Variants in UNC13C observed in about 807,000 individuals in gnomAD.
UNC13C encodes unc-13 homolog C.
Under a neutral mutation model 245.4 loss-of-function variants are expected in UNC13C, and 174 were observed. The ratio of observed to expected loss-of-function variants is 0.71; its 90% CI spans 0.63 to 0.80. The LOEUF (loss-of-function observed/expected upper bound fraction) is 0.80. UNC13C is among the 30% of genes least tolerant of loss of function. The probability of loss-of-function intolerance (pLI) is 0.00; values close to 1 mark genes in which losing one functional copy is unlikely to be tolerated. For missense variants in UNC13C, 2,829 were observed against 2,602.9 expected (o/e 1.09, Z -1.89); for synonymous variants, 992 against 895.1 (o/e 1.11, Z -1.93).
At chr15:54,614,593 TTTTTA>T (rs1251703991) in intron 30 of UNC13C, among the ~76,000 whole-genome samples, 2 of 152,048 alleles carry the variant, frequency 1.3e-5, no homozygotes, top group East Asian at 3.9e-4. Context: ...TGAAAATTAC[TTTTTA>T]TTTACACATG....
intron 2 of UNC13C, among the ~76,000 whole-genome samples, chr15:54,041,896 T>C (rs1896819811): frequency 6.6e-6 from 1 of 152,172 alleles, no homozygotes; most frequent in Non-Finnish European, 1.5e-5. Flanking sequence ...GTTGGGGGTA[T>C]AGTGCCGTCA....
the UNC13C span, among the ~76,000 whole-genome samples, chr15:53,849,584 T>C: frequency 2.0e-5 from 3 of 152,302 alleles, no homozygotes; most frequent in East Asian, 1.9e-4. Context: ...TGAGCACTTA[T>C]ATATTTTTTC....
intron 6 of UNC13C, 60 bp downstream of exon 6, chr15:54,236,495 C>A: frequency 1.5e-6 from 2 of 1,336,530 alleles, no homozygotes; most frequent in Non-Finnish European, 2.1e-6. Flanking sequence ...ATACACTGCA[C>A]TTACTCATGG....
chr15:54,191,919 G>T (rs1175304424), intron 4 of UNC13C, among the ~76,000 whole-genome samples: 3 of 151,886 alleles, frequency 2.0e-5, no homozygotes, highest in African/African-American at 7.3e-5. Context: ...TTGTAAATTT[G>T]TTTAAGCTCC....
chr15:53,854,697 G>A, the UNC13C span, among the ~76,000 whole-genome samples: 1 of 152,288 alleles, frequency 6.6e-6, no homozygotes, highest in Non-Finnish European at 1.5e-5. Flanking sequence ...GGTTACTGTA[G>A]CCTTGTGATA....
intron 2 of UNC13C, among the ~76,000 whole-genome samples, chr15:54,103,579 T>A (rs1483745736): frequency 6.6e-6 from 1 of 152,186 alleles, no homozygotes; most frequent in Non-Finnish European, 1.5e-5. Flanking sequence ...TACTAAATTG[T>A]CTTAGCTGAC....
intron 2 of UNC13C, among the ~76,000 whole-genome samples, chr15:54,139,293 T>C (rs1261208035): frequency 6.6e-6 from 1 of 151,970 alleles, no homozygotes; most frequent in Admixed American, 6.6e-5. Flanking sequence ...CCAATCACAG[T>C]GGATTATGAG....
At chr15:54,454,868 A>G (rs1449024676) in intron 19 of UNC13C, among the ~76,000 whole-genome samples, 1 of 151,900 alleles carries the variant, frequency 6.6e-6, no homozygotes, top group Non-Finnish European at 1.5e-5. Flanking sequence ...GTTTGTTTAC[A>G]TGGATAAGTT....
At chr15:54,289,858 A>C (rs1167692605) in intron 10 of UNC13C, among the ~76,000 whole-genome samples, 2 of 152,064 alleles carry the variant, frequency 1.3e-5, no homozygotes, top group Non-Finnish European at 2.9e-5. Context: ...TACCACTTTG[A>C]GTTTACACCT....
chr15:54,226,886 C>G (rs987736389), intron 4 of UNC13C, among the ~76,000 whole-genome samples: 4 of 152,114 alleles, frequency 2.6e-5, no homozygotes, highest in African/African-American at 9.7e-5. Flanking sequence ...GTGTGTCAGA[C>G]CCCTGGCTCA....
the UNC13C span, among the ~76,000 whole-genome samples, chr15:53,932,319 ACAACAAC>A: frequency 7.5e-4 from 114 of 151,140 alleles, no homozygotes; most frequent in Middle Eastern, 3.4e-3. Context: ...AATCAAAACA[ACAACAAC>A]AACAACAACA....
the UNC13C span, among the ~76,000 whole-genome samples, chr15:53,890,536 T>A: frequency 3.7e-4 from 56 of 152,332 alleles, no homozygotes; most frequent in African/African-American, 1.3e-3. Flanking sequence ...CTGCCTCGAT[T>A]TCAGAACTTG....
At chr15:54,411,351 A>G (rs1391300530) in intron 18 of UNC13C, among the ~76,000 whole-genome samples, 2 of 152,130 alleles carry the variant, frequency 1.3e-5, no homozygotes, top group Non-Finnish European at 2.9e-5. Flanking sequence ...CATGAAGTTC[A>G]ATTTATCAAT....
At chr15:54,130,149 A>C (rs952632119) in intron 2 of UNC13C, among the ~76,000 whole-genome samples, 1 of 151,762 alleles carries the variant, frequency 6.6e-6, no homozygotes, top group African/African-American at 2.4e-5. Context: ...AAAAGTTTTC[A>C]AATGTGGTTT....
chr15:54,540,803 C>T (rs1311632105), intron 26 of UNC13C, among the ~76,000 whole-genome samples: 1 of 151,928 alleles, frequency 6.6e-6, no homozygotes, highest in Non-Finnish European at 1.5e-5. Context: ...TTTTTAGTTC[C>T]GGTCTAAGCA....
At chr15:54,509,311 G>A (rs1022669768) in intron 23 of UNC13C, among the ~76,000 whole-genome samples, 1 of 152,134 alleles carries the variant, frequency 6.6e-6, no homozygotes, top group South Asian at 2.1e-4. Context: ...GTTTTCTACT[G>A]TAACATTTTA....
the UNC13C span, among the ~76,000 whole-genome samples, chr15:53,922,529 A>T: frequency 6.6e-6 from 1 of 152,114 alleles, no homozygotes; most frequent in Non-Finnish European, 1.5e-5. Context: ...TTTCGTACTT[A>T]CCTCCATTCT....
chr15:53,887,303 A>G, the UNC13C span, among the ~76,000 whole-genome samples: 3 of 152,300 alleles, frequency 2.0e-5, no homozygotes, highest in African/African-American at 7.2e-5. Flanking sequence ...TGATATCCTT[A>G]AAATCCCCCG....
the UNC13C span, among the ~76,000 whole-genome samples, chr15:53,967,260 A>G: frequency 3.9e-5 from 6 of 151,940 alleles, no homozygotes; most frequent in African/African-American, 1.4e-4. Context: ...GCAACTTTGT[A>G]TGGATTTTGA....
Sources: allele counts gnomAD v4.1 joint callset (sites outside exome capture counted in the v4.1 genomes callset), GRCh38; gene constraint gnomAD v4.1.1; transcripts MANE v1.5; gene names NCBI Gene and HGNC (gene_info 2026-07-23, HGNC 2026-07-21).